Variants in AKAP13 observed in about 807,000 individuals in gnomAD.
The protein encoded by AKAP13 is A-kinase anchor protein 13.
Under a neutral mutation model 264.5 loss-of-function variants are expected in AKAP13, and 80 were observed. The ratio of observed to expected loss-of-function variants is 0.30; its 90% CI spans 0.25 to 0.36. The LOEUF is 0.36. Ranked by LOEUF, AKAP13 falls within the 10% of genes least tolerant of loss-of-function variation. The pLI, the probability that AKAP13 is intolerant of heterozygous loss-of-function variation, is 1.00. For missense variants in AKAP13, 3,712 were observed against 3,435.2 expected, an observed-to-expected ratio of 1.08 and a Z score of -2.01; for synonymous variants, 1,380 against 1,250.2, an observed-to-expected ratio of 1.10 and a Z score of -2.19.
chr15:85,639,112 C>A (rs2082192358), intron 8 of AKAP13, among the ~76,000 whole-genome samples: 1 of 152,108 alleles, frequency 6.6e-6, no homozygotes, highest in Non-Finnish European at 1.5e-5. Flanking sequence ...TACCCTTGGC[C>A]TACACTATGG....
At chr15:85,451,510 G>A (rs922315176) in intron 1 of AKAP13, among the ~76,000 whole-genome samples, 11 of 152,042 alleles carry the variant, frequency 7.2e-5, no homozygotes, top group East Asian at 3.8e-4. Context: ...AACTGGTAGC[G>A]GTCTTTCTTT....
At chr15:85,550,052 G>A (rs1263924148) in intron 5 of AKAP13, among the ~76,000 whole-genome samples, 14 of 152,118 alleles carry the variant, frequency 9.2e-5, no homozygotes. Flanking sequence ...GAGTATCTGG[G>A]ATTACAGGTG....
chr15:85,462,363 T>C (rs1007921068), intron 1 of AKAP13, among the ~76,000 whole-genome samples: 2 of 152,168 alleles, frequency 1.3e-5, no homozygotes, highest in African/African-American at 4.8e-5. Flanking sequence ...ACACTAATGC[T>C]TAAAACTAAA....
intron 1 of AKAP13, among the ~76,000 whole-genome samples, chr15:85,440,827 G>C (rs866497817): frequency 3.9e-5 from 6 of 152,124 alleles, no homozygotes; most frequent in Non-Finnish European, 7.4e-5. Flanking sequence ...TGACCATTTA[G>C]AAGCCAAGGA....
intron 23 of AKAP13, 150 bp downstream of exon 23, chr15:85,719,476 C>A: frequency 8.7e-7 from 1 of 1,144,146 alleles, no homozygotes; most frequent in Non-Finnish European, 1.2e-6. Context: ...GCCTTGATTT[C>A]CTTTTCTGTA....
At chr15:85,533,535 A>G in intron 3 of AKAP13, 49 bp from the exon 4 acceptor site, 1 of 1,522,490 alleles carries the variant, frequency 6.6e-7, no homozygotes, top group Non-Finnish European at 8.8e-7. Context: ...GCGTCCTTTC[A>G]GCAGTGAGGC....
intron 8 of AKAP13, among the ~76,000 whole-genome samples, chr15:85,606,532 C>T (rs552336482): frequency 7.2e-5 from 11 of 152,276 alleles, no homozygotes; most frequent in African/African-American, 2.6e-4. Flanking sequence ...TCTTGTTCCA[C>T]GAGACTTGTA....
In AKAP13 at chr15:85,462,461, G is replaced by A. The variant is rs146659780; in HGVS notation, c.-11-23249G>A. ...ACAAAACAAAAAGTCAGGATTCTTT[G>A]GAGGAATAGAAAAATCCAGAGTTGC... is the stretch of plus-strand genomic sequence containing the variant. On this transcript the variant is annotated intron_variant, in intron 1 of 36. Transcript: ENST00000394518. Among the ~76,000 whole-genome samples the A allele has an allele frequency of 1.4e-3, 218 of 152,246 alleles. No individual in the cohort carries two copies. In the East Asian group the frequency reaches 0.014, roughly 10 times the overall value.
intron 7 of AKAP13, chr15:85,582,966 A>G (rs2079185508): frequency 2.0e-6 from 2 of 985,398 alleles, no homozygotes; most frequent in Non-Finnish European, 2.4e-6. Flanking sequence ...GCAAAGAGAA[A>G]CCGCTATTGC....
chr15:85,591,848 C>T (rs2079593865), intron 8 of AKAP13, among the ~76,000 whole-genome samples: 2 of 152,044 alleles, frequency 1.3e-5, no homozygotes, highest in African/African-American at 2.4e-5. Context: ...GCTTATTAGC[C>T]GTATGGAACA....
chr15:85,532,694 T>C (rs1019918967), intron 3 of AKAP13, among the ~76,000 whole-genome samples: 1 of 152,224 alleles, frequency 6.6e-6, no homozygotes, highest in Admixed American at 6.5e-5. Context: ...TCTGTGAGGC[T>C]AAAATTTCAA....
intron 1 of AKAP13, among the ~76,000 whole-genome samples, chr15:85,464,803 A>G (rs182457185): frequency 1.4e-4 from 22 of 152,314 alleles, no homozygotes; most frequent in Non-Finnish European, 2.6e-4. Flanking sequence ...AGAATTTTCA[A>G]TTGCTTACCC....
At chr15:85,517,872 C>T (rs748179299) in intron 2 of AKAP13, among the ~76,000 whole-genome samples, 5 of 152,102 alleles carry the variant, frequency 3.3e-5, no homozygotes, top group Admixed American at 2.6e-4. Flanking sequence ...ACATTTCTCA[C>T]TAATGAAGAA....
At chr15:85,719,590 G>T (rs1452174239) in intron 23 of AKAP13, among the ~76,000 whole-genome samples, 3 of 152,136 alleles carry the variant, frequency 2.0e-5, no homozygotes, top group African/African-American at 4.8e-5. Context: ...GTAAAACTTA[G>T]TTTTTCTTCC....
chr15:85,387,609 C>A (rs1329647363), intron 1 of AKAP13, among the ~76,000 whole-genome samples: 1 of 152,032 alleles, frequency 6.6e-6, no homozygotes, highest in Non-Finnish European at 1.5e-5. Context: ...ACAGGCATGA[C>A]CCACCATGCC....
chr15:85,431,749 G>A (rs1218762269), intron 1 of AKAP13, among the ~76,000 whole-genome samples: 5 of 152,106 alleles, frequency 3.3e-5, no homozygotes, highest in Non-Finnish European at 7.4e-5. Flanking sequence ...TTTTAAAGTG[G>A]TTTACATTTT....
intron 1 of AKAP13, among the ~76,000 whole-genome samples, chr15:85,462,657 C>A (rs2074560300): frequency 6.6e-6 from 1 of 152,148 alleles, no homozygotes; most frequent in South Asian, 2.1e-4. Flanking sequence ...CTCATTTACA[C>A]ACAGGAAAAT....
chr15:85,529,698 G>A (rs546193211), intron 3 of AKAP13, among the ~76,000 whole-genome samples: 1 of 152,240 alleles, frequency 6.6e-6, no homozygotes, highest in Non-Finnish European at 1.5e-5. Flanking sequence ...ATGTGAGAGA[G>A]TAGGCCTGCC....
Position 85,718,929 on chromosome 15 carries a change from A to T in AKAP13, c.6002-147A>T. 1 of 1,156,852 alleles carries T rather than the reference A, an allele frequency of 8.6e-7. No individual in the cohort carries two copies. The highest frequency in any genetic ancestry group is 1.2e-6 in the Non-Finnish European group (1 of 832,260). 71.7% of individuals were successfully genotyped at this position (1,156,852 alleles called of 1,614,324 possible). On this transcript the variant is annotated intron_variant, in intron 22 of 36. Coordinates refer to ENST00000394518, the MANE Select transcript of AKAP13 (RefSeq NM_007200.5). The surrounding 1 kb of genome is among the most constrained non-coding windows in gnomAD (Gnocchi z 4.9). The stretch of plus-strand genomic sequence containing the variant: ...AAAAACAAAAAAACAAAAAAACGAG[A>T]ACACTTTTAGGGGAAAGATAGCTGT...
Sources: allele counts gnomAD v4.1 joint callset (sites outside exome capture counted in the v4.1 genomes callset), GRCh38; gene constraint gnomAD v4.1.1; non-coding constraint Gnocchi (gnomAD v3.1); transcripts MANE v1.5; gene names NCBI Gene and HGNC (gene_info 2026-07-23, HGNC 2026-07-21).